Variants in NELL1 observed in about 807,000 individuals in gnomAD.
NELL1 encodes neural EGFL like 1, also known as protein kinase C-binding protein NELL1.
NELL1 carries 76 observed loss-of-function variants against 107.4 expected under a neutral mutation model. The ratio of observed to expected loss-of-function variants is 0.71; its 90% CI spans 0.59 to 0.86. NELL1 has a LOEUF of 0.86. NELL1 is among the 40% of genes least tolerant of loss of function. The pLI is 0.00. For synonymous variants in NELL1, 353 were observed against 341.2 expected (o/e 1.03, Z -0.38); for missense variants, 1,024 against 1,005.5 (o/e 1.02, Z -0.25).
chr11:21,043,079 A>G (rs2134335141), intron 12 of NELL1, among the ~76,000 whole-genome samples: 1 of 152,280 alleles, frequency 6.6e-6, no homozygotes, highest in African/African-American at 2.4e-5. Context: ...GGGCATGGCT[A>G]TGAAAAAATA....
chr11:21,156,450 G>T (rs796696612), intron 13 of NELL1, among the ~76,000 whole-genome samples: 4 of 152,184 alleles, frequency 2.6e-5, no homozygotes, highest in African/African-American at 9.6e-5. Flanking sequence ...GCTCATCTAG[G>T]CTAAATAGTC....
At chr11:21,505,934 A>T (rs535413383) in intron 15 of NELL1, among the ~76,000 whole-genome samples, 2 of 152,262 alleles carry the variant, frequency 1.3e-5, no homozygotes, top group South Asian at 4.1e-4. Context: ...TGGAAGTTGG[A>T]ATTCTGAGTT....
intron 15 of NELL1, among the ~76,000 whole-genome samples, chr11:21,399,880 G>A (rs957276808): frequency 2.0e-5 from 3 of 151,732 alleles, no homozygotes; most frequent in Non-Finnish European, 4.4e-5. Flanking sequence ...TGATAAGAAC[G>A]CTGATGTTAA....
intron 3 of NELL1, among the ~76,000 whole-genome samples, chr11:20,828,465 A>G (rs1157057028): frequency 6.6e-6 from 1 of 152,202 alleles, no homozygotes; most frequent in Non-Finnish European, 1.5e-5. Context: ...TCATTACCTT[A>G]ATGATTGGTA....
At chr11:20,770,998 GAA>G (rs900050892) in intron 2 of NELL1, 1 of 141,194 alleles carries the variant, frequency 7.1e-6, no homozygotes, top group African/African-American at 2.5e-5. Context: ...GTTGTTTCTG[GAA>G]AGACCCCTCT....
intron 14 of NELL1, 80 bp from the exon 15 acceptor site, chr11:21,370,773 T>G: frequency 9.5e-7 from 1 of 1,048,594 alleles, no homozygotes; most frequent in South Asian, 1.4e-5. Flanking sequence ...AAGAAAGAAT[T>G]GCTTCAGTGC....
chr11:20,936,394 C>T (rs1223585228), intron 9 of NELL1, among the ~76,000 whole-genome samples: 1 of 152,190 alleles, frequency 6.6e-6, no homozygotes, highest in East Asian at 1.9e-4. Flanking sequence ...CCATGTACCA[C>T]AGCATCCACT....
chr11:20,717,261 A>G (rs2133903698), intron 2 of NELL1, among the ~76,000 whole-genome samples: 1 of 152,298 alleles, frequency 6.6e-6, no homozygotes, highest in East Asian at 1.9e-4. Flanking sequence ...ATATTTTTGG[A>G]CTGCTCTGTT....
intron 12 of NELL1, among the ~76,000 whole-genome samples, chr11:21,110,642 G>A (rs1855084747): frequency 6.6e-6 from 1 of 152,142 alleles, no homozygotes; most frequent in African/African-American, 2.4e-5. Flanking sequence ...GCTGGCAGCT[G>A]TGGCCCATGG....
At chr11:21,343,013 T>A (rs1850607947) in intron 14 of NELL1, among the ~76,000 whole-genome samples, 1 of 152,170 alleles carries the variant, frequency 6.6e-6, no homozygotes, top group Non-Finnish European at 1.5e-5. Flanking sequence ...AACCACAGCC[T>A]AGGCCCCAGA....
chr11:20,787,797 T>C (rs548587769), intron 3 of NELL1, among the ~76,000 whole-genome samples: 1 of 152,306 alleles, frequency 6.6e-6, no homozygotes, highest in African/African-American at 2.4e-5. Context: ...ATCACCACAA[T>C]CAATTTTAGA....
At chr11:20,696,975 T>C (rs982828721) in intron 2 of NELL1, among the ~76,000 whole-genome samples, 1 of 152,158 alleles carries the variant, frequency 6.6e-6, no homozygotes, top group African/African-American at 2.4e-5. Context: ...TGCCTTTGGT[T>C]GGCTAAAACT....
At chr11:21,265,662 T>C (rs1047002210) in intron 14 of NELL1, among the ~76,000 whole-genome samples, 4 of 152,190 alleles carry the variant, frequency 2.6e-5, no homozygotes, top group Non-Finnish European at 5.9e-5. Context: ...AGAGTATGTG[T>C]GTCTGTGTGC....
chr11:20,796,344 G>A (rs1465039586), intron 3 of NELL1, among the ~76,000 whole-genome samples: 1 of 152,132 alleles, frequency 6.6e-6, no homozygotes, highest in Non-Finnish European at 1.5e-5. Flanking sequence ...ATTGATTGAA[G>A]AATATCAGAA....
At chr11:21,238,522 G>C (rs761062142) in intron 14 of NELL1, among the ~76,000 whole-genome samples, 2 of 152,022 alleles carry the variant, frequency 1.3e-5, no homozygotes, top group African/African-American at 4.8e-5. Context: ...ATAAATGAGA[G>C]GTCGTAGTGG....
At chr11:21,119,184 C>T (rs1450143564) in intron 13 of NELL1, among the ~76,000 whole-genome samples, 2 of 151,986 alleles carry the variant, frequency 1.3e-5, no homozygotes, top group Admixed American at 6.6e-5. Context: ...GGATGTTTCA[C>T]CCTGTGGTAG....
At chr11:20,767,264 G>A (rs994126755) in intron 2 of NELL1, among the ~76,000 whole-genome samples, 1 of 152,186 alleles carries the variant, frequency 6.6e-6, no homozygotes, top group Admixed American at 6.5e-5. Flanking sequence ...AAAGAACAAA[G>A]CTTCCACAGC....
chr11:21,375,187 T>G (rs1298785291), intron 15 of NELL1, among the ~76,000 whole-genome samples: 1 of 151,968 alleles, frequency 6.6e-6, no homozygotes, highest in Non-Finnish European at 1.5e-5. Flanking sequence ...AATAGTTAGT[T>G]TTTCAGCCTT....
chr11:21,124,613 T>G (rs1855447746), intron 13 of NELL1, among the ~76,000 whole-genome samples: 1 of 151,894 alleles, frequency 6.6e-6, no homozygotes, highest in Non-Finnish European at 1.5e-5. Context: ...ATTTTTTTTT[T>G]TTTTTTGAGA....
Sources: allele counts gnomAD v4.1 joint callset (sites outside exome capture counted in the v4.1 genomes callset), GRCh38; gene constraint gnomAD v4.1.1; transcripts MANE v1.5; gene names NCBI Gene and HGNC (gene_info 2026-07-23, HGNC 2026-07-21).